AKR1B10: variants seen among roughly 807,000 people sequenced by gnomAD.
The protein encoded by AKR1B10 is ARP.
In AKR1B10, 39 loss-of-function variants were observed where a neutral mutation model predicts 38.9. That is an observed-to-expected ratio of 1.00 (90% CI 0.78 to 1.31). The LOEUF is 1.31. AKR1B10 is among the 50% of genes most tolerant of loss of function. The pLI, the probability that AKR1B10 is intolerant of heterozygous loss-of-function variation, is 0.00. For synonymous variants in AKR1B10, 148 were observed against 141.2 expected (o/e 1.05, Z -0.34); for missense variants, 361 against 382.6 (o/e 0.94, Z 0.47).
Position 134,541,288 on chromosome 7 carries a change from G to A in AKR1B10, c.*199G>A. 2.0e-6 allele frequency: 1 copy of A among 512,546 alleles called. No individual in the cohort carries two copies. Among genetic ancestry groups the A allele is most frequent in the Non-Finnish European group, 3.4e-6 (1 of 293,312 alleles). The allele number at this position is 512,546 out of a possible 1,614,324, so 31.7% of individuals were successfully genotyped here. A position where few individuals can be genotyped will look rare whatever the true frequency, so the allele number is the denominator to read the frequency against. On this transcript the variant is annotated 3_prime_UTR_variant, in exon 10 of 10. Coordinates refer to ENST00000359579, the MANE Select transcript of AKR1B10 (RefSeq NM_020299.5). ...GGATCAGAATATCACAGAAAAGCAT[G>A]GCTTGAATAAGGAAATGACAATTTT...
rs748859754 is a variant in AKR1B10, at chr7:134,527,987, C to T, written c.66+10C>T. On this transcript the variant is annotated intron_variant, in intron 1 of 9. Coordinates refer to ENST00000359579, the MANE Select transcript of AKR1B10 (RefSeq NM_020299.5). ...CCTGGGCACTTGGAAGGTAAATATG[C>T]AAATCTTTGCACACCCTTCTTCTCT... is the stretch of plus-strand genomic sequence containing the variant. The T allele has an allele frequency of 1.9e-6, 3 of 1,613,650 alleles. No homozygotes were observed. The South Asian group carries it at 3.3e-5, about 18-fold the overall frequency.
At chr7:134,534,733 T>C (rs768337302) in intron 4 of AKR1B10, among the ~76,000 whole-genome samples, 81 of 152,338 alleles carry the variant, frequency 5.3e-4, no homozygotes, top group Non-Finnish European at 1.1e-3. Flanking sequence ...CAAGTTCTAA[T>C]ACAGGAAAAC....
In AKR1B10 at chr7:134,527,797, G is replaced by T; in HGVS notation, c.-115G>T. The T allele has an allele frequency of 1.4e-6, 2 of 1,481,438 alleles. No individual in the cohort carries two copies. Among genetic ancestry groups the T allele is most frequent in the South Asian group, 1.2e-5 (1 of 82,378 alleles). 91.8% of individuals were successfully genotyped at this position (1,481,438 alleles called of 1,614,324 possible). A position where few individuals can be genotyped will look rare whatever the true frequency, so the allele number is the denominator to read the frequency against. Reference sequence around the variant, plus strand: ...GGAGACAGAGGTTGTAGTGAGCTGAGATCGCACCACTGCACTCTAGCCTTG... The same window carrying T: ...GGAGACAGAGGTTGTAGTGAGCTGATATCGCACCACTGCACTCTAGCCTTG... On this transcript the variant is annotated 5_prime_UTR_variant, in exon 1 of 10. Coordinates refer to ENST00000359579, the MANE Select transcript of AKR1B10 (RefSeq NM_020299.5).
At chr7:134,536,363 C>T (rs1161911919) in intron 4 of AKR1B10, among the ~76,000 whole-genome samples, 8 of 482 alleles carry the variant, frequency 0.017, no homozygotes, top group African/African-American at 0.034. Flanking sequence ...CCCCTGTGTA[C>T]AGGAAGTTTA....
intron 2 of AKR1B10, among the ~76,000 whole-genome samples, chr7:134,531,703 G>A (rs1222872366): frequency 1.3e-5 from 2 of 152,184 alleles, no homozygotes; most frequent in Admixed American, 6.5e-5. Flanking sequence ...AGTTGAAAAA[G>A]TCAATTGCTT....
At chr7:134,530,269 T>C (rs1375793762) in intron 1 of AKR1B10, among the ~76,000 whole-genome samples, 1 of 152,186 alleles carries the variant, frequency 6.6e-6, no homozygotes, top group African/African-American at 2.4e-5. Context: ...CTGAAGACAT[T>C]TCAGGACTAA....
Position 134,527,739 on chromosome 7 carries a change from G to C in AKR1B10, c.-173G>C. ...TGGGCGCCTGTAATCCCAGCTACTC[G>C]GGAGGCTGAGGCAGGAGAATTGCTT... On this transcript the variant is annotated 5_prime_UTR_variant, in exon 1 of 10. Coordinates refer to ENST00000359579, the MANE Select transcript of AKR1B10 (RefSeq NM_020299.5). 1 of 749,144 alleles carries C rather than the reference G, an allele frequency of 1.3e-6. No individual in the cohort carries two copies. The highest frequency in any genetic ancestry group is 2.0e-6 in the Non-Finnish European group (1 of 494,242). 46.4% of individuals were successfully genotyped at this position (749,144 alleles called of 1,614,324 possible). A position where few individuals can be genotyped will look rare whatever the true frequency, so the allele number is the denominator to read the frequency against.
chr7:134,537,781 T>C, intron 7 of AKR1B10, 120 bp downstream of exon 7: 2 of 1,224,416 alleles, frequency 1.6e-6, no homozygotes, highest in Non-Finnish European at 2.3e-6. Context: ...TGAAGCCCTC[T>C]AAAGTGTTTC....
intron 7 of AKR1B10, 88 bp downstream of exon 7, chr7:134,537,749 T>A: frequency 6.7e-7 from 1 of 1,500,782 alleles, no homozygotes. Context: ...ACAAACTCCT[T>A]AAAGGGGAAG....
At chr7:134,536,324 T>G (rs1438991505) in intron 4 of AKR1B10, among the ~76,000 whole-genome samples, 1 of 150,564 alleles carries the variant, frequency 6.6e-6, no homozygotes, top group African/African-American at 2.5e-5. Context: ...TTACTTTTTA[T>G]TTTTTTGCAT....
chr7:134,537,496 A>C, intron 6 of AKR1B10, 84 bp from the exon 7 acceptor site: 1 of 1,410,754 alleles, frequency 7.1e-7, no homozygotes, highest in South Asian at 1.2e-5. Flanking sequence ...TCTGATGATC[A>C]GTCTTGAGAC....
At chr7:134,536,143 G>A (rs1418473863) in intron 4 of AKR1B10, among the ~76,000 whole-genome samples, 1 of 152,116 alleles carries the variant, frequency 6.6e-6, no homozygotes, top group East Asian at 1.9e-4. Flanking sequence ...TGGGAGAGAG[G>A]GACTCAGGAC....
rs561836328 is a variant in AKR1B10, at chr7:134,537,501, T to G, written c.660-79T>G. On this transcript the variant is annotated intron_variant, in intron 6 of 9. Transcript: ENST00000359579. The stretch of plus-strand genomic sequence containing the variant: ...ATGGAGAGGCTCTGATGATCAGTCT[T>G]GAGACCCTCATTGGAGTGGTGTCCT... The G allele has an allele frequency of 1.8e-3, 2,602 of 1,483,896 alleles. 3 individuals are homozygous for G. Among genetic ancestry groups the G allele is most frequent in the Non-Finnish European group, 2.1e-3 (2,196 of 1,069,182 alleles). 91.9% of individuals were successfully genotyped at this position (1,483,896 alleles called of 1,614,324 possible).
At chr7:134,535,893 T>C (rs1022470990) in intron 4 of AKR1B10, among the ~76,000 whole-genome samples, 7 of 152,230 alleles carry the variant, frequency 4.6e-5, no homozygotes, top group Non-Finnish European at 1.0e-4. Flanking sequence ...CATATTGCAC[T>C]GGAGGCTGCT....
At chr7:134,538,433 A>C (rs1808070622) in intron 8 of AKR1B10, among the ~76,000 whole-genome samples, 156 bp downstream of exon 8, 1 of 151,976 alleles carries the variant, frequency 6.6e-6, no homozygotes, top group Non-Finnish European at 1.5e-5. Context: ...GGGTCAGTAG[A>C]GCTGAGATGA....
chr7:134,532,709 C>T (rs900825836), intron 3 of AKR1B10, among the ~76,000 whole-genome samples: 2 of 152,166 alleles, frequency 1.3e-5, no homozygotes, highest in Non-Finnish European at 2.9e-5. Flanking sequence ...GAAAGTTTGC[C>T]CTTGGTTGTA....
At chr7:134,536,942 G>A (rs706159) in intron 5 of AKR1B10, 109 bp from the exon 6 acceptor site, 681,603 of 1,581,040 alleles carry the variant, frequency 0.43, 148,594 homozygotes, top group African/African-American at 0.57. Context: ...ATCTCAGTGG[G>A]CAGGTGTTTG....
intron 9 of AKR1B10, among the ~76,000 whole-genome samples, chr7:134,540,202 C>T (rs931855052): frequency 2.0e-5 from 3 of 151,472 alleles, no homozygotes; most frequent in African/African-American, 7.3e-5. Context: ...TGGGTGACAG[C>T]GCGAGACTCT....
At chr7:134,534,983 C>A (rs1482361950) in intron 4 of AKR1B10, among the ~76,000 whole-genome samples, 2 of 151,854 alleles carry the variant, frequency 1.3e-5, no homozygotes, top group Non-Finnish European at 2.9e-5. Context: ...AATCCAGGCA[C>A]TGGTAATTTT....
Sources: gnomAD v4.1 joint callset for allele counts (sites outside exome capture counted in the v4.1 genomes callset) on GRCh38, gnomAD v4.1.1 for gene constraint, MANE v1.5 for transcripts, NCBI Gene and HGNC (gene_info 2026-07-23, HGNC 2026-07-21) for gene names.